CXCR2: variants seen among roughly 807,000 people sequenced by gnomAD.
The protein encoded by CXCR2 is C-X-C motif chemokine receptor 2.
In CXCR2, 2 loss-of-function variants were observed where a neutral mutation model predicts 3.7. The observed-to-expected ratio is 0.55, with a 90% CI of 0.22 to 1.72. The LOEUF (loss-of-function observed/expected upper bound fraction) is 1.72. CXCR2 is among the 40% of genes most tolerant of loss of function. CXCR2 has a pLI of 0.19. For synonymous variants in CXCR2, 203 were observed against 193.3 expected, an observed-to-expected ratio of 1.05 and a Z score of -0.41; for missense variants, 351 against 450.1, an observed-to-expected ratio of 0.78 and a Z score of 1.99.
rs201301122 is a variant in CXCR2, at chr2:218,136,020, C to T, written c.*136C>T. 181 of 1,162,216 alleles carry T rather than the reference C, an allele frequency of 1.6e-4. No individual in the cohort carries two copies. Among genetic ancestry groups the T allele is most frequent in the Non-Finnish European group, 2.1e-4 (169 of 817,644 alleles). The allele number at this position is 1,162,216 out of a possible 1,614,324, so 72.0% of individuals were successfully genotyped here. On this transcript the variant is annotated 3_prime_UTR_variant, in exon 3 of 3. Coordinates refer to ENST00000318507, the MANE Select transcript of CXCR2 (RefSeq NM_001557.4). ...TTGTGGTCACAGGAAGTAGAGGAGGCCACGTTCTTACTAGTTTCCCTTGCA... is the reference window on the plus strand; with the variant it reads ...TTGTGGTCACAGGAAGTAGAGGAGGTCACGTTCTTACTAGTTTCCCTTGCA...
rs750950419 is a variant in CXCR2 at position 218,135,541 on chromosome 2, A to G, written c.740A>G (p.His247Arg). 1.2e-6 allele frequency: 2 copies of G among 1,614,152 alleles called. No individual in the cohort carries two copies. The highest frequency in any genetic ancestry group is 2.2e-5 in the South Asian group (2 of 91,080). Residue 247 changes from histidine to arginine, a missense_variant, in exon 3 of 3, where the codon CAC becomes CGC. Coordinates refer to ENST00000318507, the MANE Select transcript of CXCR2 (RefSeq NM_001557.4). This position sits in a 1 kb window ranked among gnomAD's most constrained non-coding sequence, Gnocchi z 4.0. ...TTTAAGGCCCACATGGGGCAGAAGC[A>G]CCGGGCCATGCGGGTCATCTTTGCT... Reference protein sequence around the residue: ...TLFKAHMGQKHRAMRVIFAVV... With the variant: ...TLFKAHMGQKRRAMRVIFAVV...
rs1311426153 is a variant in CXCR2 at position 218,135,525 on chromosome 2, C to T, written c.724C>T (p.His242Tyr). 2.5e-6 allele frequency: 4 copies of T among 1,614,190 alleles called. No individual in the cohort carries two copies. Among genetic ancestry groups the T allele is most frequent in the South Asian group, 2.2e-5 (2 of 91,074 alleles). ...CACCCTGCGTACGCTGTTTAAGGCC[C>T]ACATGGGGCAGAAGCACCGGGCCAT... is the stretch of plus-strand genomic sequence containing the variant. ...GFTLRTLFKA[H>Y]MGQKHRAMRV... Residue 242 changes from histidine (H) to tyrosine (Y), a missense_variant, in exon 3 of 3, where the codon CAC (histidine) becomes TAC (tyrosine). By Grantham distance (83) the His-to-Tyr change is moderately conservative. Coordinates refer to ENST00000318507, the MANE Select transcript of CXCR2 (RefSeq NM_001557.4). This position sits in a 1 kb window ranked among gnomAD's most constrained non-coding sequence, Gnocchi z 4.0.
Position 218,130,405 on chromosome 2 carries a change from C to G in CXCR2, c.-26+1040C>G, listed in dbSNP as rs186194926. On this transcript the variant is annotated intron_variant, in intron 2 of 2. Coordinates refer to ENST00000318507, the MANE Select transcript of CXCR2 (RefSeq NM_001557.4). ...ATTGCACTCCAGCCTGGCAACAGAG[C>G]GAGACTGCATCAAAAAAAGAAAAAA... Among the ~76,000 whole-genome samples, 3 of 151,776 alleles carry G rather than the reference C, an allele frequency of 2.0e-5. No individual in the cohort carries two copies. In the East Asian group the frequency reaches 5.8e-4, roughly 29 times the overall value.
intron 2 of CXCR2, among the ~76,000 whole-genome samples, chr2:218,132,484 G>C (rs763156212): frequency 2.0e-5 from 3 of 152,180 alleles, no homozygotes; most frequent in Non-Finnish European, 4.4e-5. Context: ...ACAGTCATAA[G>C]TTGCTTAACA....
At chr2:218,130,208 GTC>G in intron 2 of CXCR2, among the ~76,000 whole-genome samples, 1 of 152,080 alleles carries the variant, frequency 6.6e-6, no homozygotes, top group Non-Finnish European at 1.5e-5. Context: ...ATCACCTGAG[GTC>G]AGGAGTTCGA....
chr2:218,130,072 T>A (rs2106101445), intron 2 of CXCR2, among the ~76,000 whole-genome samples: 1 of 152,298 alleles, frequency 6.6e-6, no homozygotes. Context: ...AAACAATGCA[T>A]AAAACATGAA....
Position 218,136,084 on chromosome 2 carries a change from A to G in CXCR2, c.*200A>G, listed in dbSNP as rs201497688. On this transcript the variant is annotated 3_prime_UTR_variant, in exon 3 of 3. Transcript: ENST00000318507. The stretch of plus-strand genomic sequence containing the variant: ...TTGCCCTGGTGCCTCACCCCTTGCC[A>G]TAATTACTATGTCATTTGCTGGAGC... The G allele has an allele frequency of 6.8e-5, 43 of 632,914 alleles. No individual in the cohort carries two copies. The African/African-American group carries it at 7.2e-4, about 11-fold the overall frequency. 39.2% of individuals were successfully genotyped at this position (632,914 alleles called of 1,614,324 possible).
chr2:218,128,115 T>C lies in CXCR2; in HGVS notation c.-77-1199T>C, dbSNP rs150236106. Among the ~76,000 whole-genome samples, 500 of 152,354 alleles carry C rather than the reference T, an allele frequency of 3.3e-3. 3 individuals carry two copies. Among genetic ancestry groups the C allele is most frequent in the African/African-American group, 0.01 (426 of 41,592 alleles). On this transcript the variant is annotated intron_variant, in intron 1 of 2. Transcript: ENST00000318507. ...CAACCCCATGAGTTGGATTCTGTAT[T>C]GGCCCCATTTTACAGATGAGTAAAC...
chr2:218,133,589 A>G (rs1177608408), intron 2 of CXCR2, among the ~76,000 whole-genome samples: 2 of 152,070 alleles, frequency 1.3e-5, no homozygotes, highest in Admixed American at 1.3e-4. Context: ...GTGAGCCACC[A>G]CTGGGATAAT....
chr2:218,134,818 T>G lies in CXCR2; in HGVS notation c.17T>G (p.Met6Arg), dbSNP rs139809702. The change falls in exon 3 of 3, where the codon ATG becomes AGG. Residue 6 changes from methionine to arginine, a missense_variant. Transcript: ENST00000318507. ...ACCTCAAAAATGGAAGATTTTAACA[T>G]GGAGAGTGACAGCTTTGAAGATTTC... MEDFN[M>R]ESDSFEDFWK... 226 of 1,613,108 alleles carry G rather than the reference T, an allele frequency of 1.4e-4. No individual in the cohort carries two copies. The African/African-American group carries it at 2.7e-3, about 20-fold the overall frequency.
chr2:218,130,508 C>T (rs1266830293), intron 2 of CXCR2, among the ~76,000 whole-genome samples: 1 of 152,166 alleles, frequency 6.6e-6, no homozygotes, highest in African/African-American at 2.4e-5. Context: ...GGGCTATAGA[C>T]TACAAATAAG....
chr2:218,134,023 G>A (rs1006164152), intron 2 of CXCR2, among the ~76,000 whole-genome samples: 9 of 152,228 alleles, frequency 5.9e-5, no homozygotes, highest in Non-Finnish European at 1.0e-4. Context: ...CTACCCAAAA[G>A]AGAAACGCTG....
chr2:218,127,921 C>T (rs1274451830), intron 1 of CXCR2, among the ~76,000 whole-genome samples: 1 of 152,222 alleles, frequency 6.6e-6, no homozygotes, highest in African/African-American at 2.4e-5. Context: ...GCCTTGAAAG[C>T]AGACCCACTG....
intron 2 of CXCR2, among the ~76,000 whole-genome samples, chr2:218,131,164 A>G (rs920140777): frequency 2.6e-5 from 4 of 152,154 alleles, no homozygotes; most frequent in Admixed American, 6.5e-5. Context: ...CCCTACATCT[A>G]CTCTCAAAGA....
At chr2:218,131,626 C>T (rs1343751876) in intron 2 of CXCR2, among the ~76,000 whole-genome samples, 6 of 151,918 alleles carry the variant, frequency 3.9e-5, no homozygotes, top group East Asian at 1.9e-4. Context: ...CCCGCCACCA[C>T]GCCCAGCTAA....
chr2:218,134,679 A>C (rs1574541946), intron 2 of CXCR2, 98 bp from the exon 3 acceptor site: 1 of 1,145,758 alleles, frequency 8.7e-7, no homozygotes, highest in Non-Finnish European at 1.2e-6. Context: ...ACATTGTAAT[A>C]CTCAAGCCAA....
intron 2 of CXCR2, among the ~76,000 whole-genome samples, chr2:218,132,247 C>T (rs1690666745): frequency 6.6e-6 from 1 of 152,204 alleles, no homozygotes; most frequent in South Asian, 2.1e-4. Flanking sequence ...TAACATTCCT[C>T]TCCCAGCTCC....
At position 218,136,978 on chromosome 2, in the gene CXCR2, TGTTTAGG is replaced by T. The variant is rs1251098121; in HGVS notation, c.*1095_*1101del. 6.0e-6 allele frequency: 1 copy of T among 167,182 alleles called. No individual in the cohort carries two copies. The highest frequency in any genetic ancestry group is 3.1e-3 in the Middle Eastern group (1 of 318). The allele number at this position is 167,182 out of a possible 1,614,324, so 10.4% of individuals were successfully genotyped here. A position where few individuals can be genotyped will look rare whatever the true frequency, so the allele number is the denominator to read the frequency against. ...GACGGTTTAATGGGCACAGGGTTTA[TGTTTAGG>T]ATGTTGAAAAAGTTCTGCAGATAAA... On this transcript the variant is annotated 3_prime_UTR_variant, in exon 3 of 3. Coordinates refer to ENST00000318507, the MANE Select transcript of CXCR2 (RefSeq NM_001557.4).
Position 218,135,253 on chromosome 2 carries a change from C to A in CXCR2, c.452C>A (p.Ala151Asp). The A allele has an allele frequency of 1.9e-6, 3 of 1,614,208 alleles. No individual in the cohort carries two copies. Among genetic ancestry groups the A allele is most frequent in the Non-Finnish European group, 2.5e-6 (3 of 1,180,050 alleles). Residue 151 changes from alanine to aspartate, a missense_variant, in exon 3 of 3, where the codon GCC becomes GAC. Coordinates refer to ENST00000318507, the MANE Select transcript of CXCR2 (RefSeq NM_001557.4). The surrounding 1 kb of genome is among the most constrained non-coding windows in gnomAD (Gnocchi z 4.0). Reference protein sequence around the residue: ...SVDRYLAIVHATRTLTQKRYL... With the variant: ...SVDRYLAIVHDTRTLTQKRYL... ...GACCGTTACCTGGCCATTGTCCATGCCACACGCACACTGACCCAGAAGCGC... is the reference window on the plus strand; with the variant it reads ...GACCGTTACCTGGCCATTGTCCATGACACACGCACACTGACCCAGAAGCGC...
Sources: allele counts gnomAD v4.1 joint callset (sites outside exome capture counted in the v4.1 genomes callset), GRCh38; gene constraint gnomAD v4.1.1; non-coding constraint Gnocchi (gnomAD v3.1); transcripts MANE v1.5; gene names NCBI Gene and HGNC (gene_info 2026-07-23, HGNC 2026-07-21).